CRYZL1: variants seen among roughly 807,000 people sequenced by gnomAD.
CRYZL1 encodes crystallin zeta like 1, also known as ferry endosomal RAB5 effector complex subunit 4.
CRYZL1 carries 34 observed loss-of-function variants against 50.6 expected under a neutral mutation model. The observed-to-expected ratio is 0.67, with a 90% CI of 0.51 to 0.89. CRYZL1 has a LOEUF of 0.89. Ranked by LOEUF, CRYZL1 falls within the 40% of genes least tolerant of loss-of-function variation. The probability of loss-of-function intolerance (pLI) is 0.00; values close to 1 mark genes in which losing one functional copy is unlikely to be tolerated. For synonymous variants in CRYZL1, 125 were observed against 134.3 expected (o/e 0.93, Z 0.48); for missense variants, 354 against 402.3 (o/e 0.88, Z 1.03).
intron 1 of CRYZL1, among the ~76,000 whole-genome samples, chr21:33,634,870 C>T (rs2087184253): frequency 9.5e-6 from 1 of 105,638 alleles, no homozygotes; most frequent in African/African-American, 4.3e-5. Flanking sequence ...TTAAAACAAA[C>T]AACAACAACA....
intron 6 of CRYZL1, among the ~76,000 whole-genome samples, chr21:33,612,848 T>G (rs1270685288): frequency 6.6e-6 from 1 of 152,160 alleles, no homozygotes; most frequent in Non-Finnish European, 1.5e-5. Context: ...TTTTTTTTCT[T>G]TTTTGAGACA....
chr21:33,622,967 AT>A (rs35493080), intron 3 of CRYZL1, among the ~76,000 whole-genome samples: 6,289 of 117,396 alleles, frequency 0.054, 167 homozygotes, highest in African/African-American at 0.095. Context: ...TTTCTTTTCT[AT>A]TTTTTTTTTT....
At chr21:33,592,142 G>A (rs1338871324) in intron 11 of CRYZL1, among the ~76,000 whole-genome samples, 1 of 146,620 alleles carries the variant, frequency 6.8e-6, no homozygotes, top group East Asian at 2.0e-4. Flanking sequence ...CTTTTTCAGA[G>A]CTTTTTTTTT....
chr21:33,605,448 A>G (rs2086799846), intron 6 of CRYZL1, among the ~76,000 whole-genome samples: 1 of 150,090 alleles, frequency 6.7e-6, no homozygotes, highest in Admixed American at 6.7e-5. Context: ...CCGTGAAACT[A>G]TTCCTTAACA....
intron 5 of CRYZL1, 28 bp downstream of exon 5, chr21:33,616,678 T>G (rs369297000): frequency 8.1e-6 from 13 of 1,607,880 alleles, no homozygotes; most frequent in Non-Finnish European, 1.0e-5. Flanking sequence ...ATAGATGACT[T>G]GAAATAAGAC....
At chr21:33,638,210 C>CTTTT (rs569863892) in intron 1 of CRYZL1, among the ~76,000 whole-genome samples, 3 of 126,808 alleles carry the variant, frequency 2.4e-5, no homozygotes, top group Admixed American at 8.0e-5. Flanking sequence ...GTCAGGTCTG[C>CTTTT]TTTTTTTTTT....
intron 4 of CRYZL1, among the ~76,000 whole-genome samples, chr21:33,621,090 A>G (rs930192601): frequency 2.0e-5 from 3 of 147,770 alleles, no homozygotes; most frequent in African/African-American, 7.4e-5. Flanking sequence ...TATTTTTAGT[A>G]GAGACAGGGT....
intron 5 of CRYZL1, among the ~76,000 whole-genome samples, chr21:33,614,070 G>A (rs969075209): frequency 2.0e-5 from 3 of 151,924 alleles, no homozygotes; most frequent in African/African-American, 7.3e-5. Flanking sequence ...TACTCAGGAG[G>A]CTGAGGCAGG....
At chr21:33,599,713 C>G (rs1306108076) in intron 8 of CRYZL1, among the ~76,000 whole-genome samples, 2 of 151,800 alleles carry the variant, frequency 1.3e-5, no homozygotes, top group Non-Finnish European at 2.9e-5. Context: ...CCCAGTGCAG[C>G]CTTGAACTCC....
chr21:33,597,613 T>TGTTTA (rs1555904103), intron 9 of CRYZL1, among the ~76,000 whole-genome samples: 2 of 150,906 alleles, frequency 1.3e-5, no homozygotes, highest in Non-Finnish European at 3.0e-5. Context: ...GCCGGCACTC[T>TGTTTA]CTTTTTGTTT....
chr21:33,618,624 G>A (rs950422450), intron 4 of CRYZL1, among the ~76,000 whole-genome samples: 5 of 152,150 alleles, frequency 3.3e-5, no homozygotes, highest in Non-Finnish European at 5.9e-5. Flanking sequence ...GCCCCAGAGT[G>A]CATTTGTTGC....
At chr21:33,621,495 C>T (rs1156314935) in intron 4 of CRYZL1, among the ~76,000 whole-genome samples, 1 of 151,826 alleles carries the variant, frequency 6.6e-6, no homozygotes, top group Non-Finnish European at 1.5e-5. Context: ...GCGCATGCCA[C>T]CACGCCCAGC....
chr21:33,595,860 T>A (rs150011753), intron 10 of CRYZL1, 24 bp from the exon 11 acceptor site: 2 of 1,478,724 alleles, frequency 1.4e-6, no homozygotes, highest in East Asian at 4.5e-5. Flanking sequence ...AAACAAAGAC[T>A]AATCAATTAT....
intron 2 of CRYZL1, among the ~76,000 whole-genome samples, chr21:33,627,388 T>C (rs1305259513): frequency 6.6e-6 from 1 of 151,996 alleles, no homozygotes; most frequent in Non-Finnish European, 1.5e-5. Context: ...CGTGTGCCAC[T>C]GTGCCTGGCC....
intron 3 of CRYZL1, among the ~76,000 whole-genome samples, chr21:33,622,419 G>A (rs748570225): frequency 4.6e-5 from 7 of 152,198 alleles, no homozygotes; most frequent in Non-Finnish European, 1.0e-4. Flanking sequence ...CTCAGGTGAA[G>A]GGAGGGTAGT....
intron 3 of CRYZL1, 42 bp from the exon 4 acceptor site, chr21:33,622,110 A>G (rs573109062): frequency 1.3e-6 from 2 of 1,485,174 alleles, no homozygotes; most frequent in South Asian, 2.3e-5. Context: ...TTGTCAGAAG[A>G]AATCCTGGAC....
In CRYZL1 at chr21:33,633,476, G is replaced by A. The variant is rs145369622; in HGVS notation, c.-6-1919C>T. The stretch of plus-strand genomic sequence containing the variant: ...TTGCTCTGTCGCCAGGCTGGAGGGC[G>A]CAGTCTCGGCTCACTGCAACCTCCA... On this transcript the variant is annotated intron_variant, in intron 1 of 12. Coordinates refer to ENST00000381554, the MANE Select transcript of CRYZL1 (RefSeq NM_145858.3). 9.2e-5 allele frequency among the ~76,000 whole-genome samples: 14 copies of A among 151,842 alleles called. No individual in the cohort carries two copies. The East Asian group carries it at 2.1e-3, about 23-fold the overall frequency.
At chr21:33,638,331 G>C (rs1241275385) in intron 1 of CRYZL1, among the ~76,000 whole-genome samples, 2 of 151,138 alleles carry the variant, frequency 1.3e-5, no homozygotes, top group East Asian at 3.9e-4. Context: ...TCCTGCCCCA[G>C]CCTCCCGAGT....
Position 33,631,486 on chromosome 21 carries a change from C to T in CRYZL1, c.66G>A (p.Lys22=), listed in dbSNP as rs754565358. 1.3e-6 allele frequency: 2 copies of T among 1,514,948 alleles called. No homozygotes were observed. The highest frequency in any genetic ancestry group is 2.5e-5 in the Admixed American group (1 of 40,760). The allele number at this position is 1,514,948 out of a possible 1,614,324, so 93.8% of individuals were successfully genotyped here. A position where few individuals can be genotyped will look rare whatever the true frequency, so the allele number is the denominator to read the frequency against. ...TTAATGATTAAACATTTTTTCTTAC[C>T]TTTTCTTGAAATACAAATGTTATTT... ...DEEITFVFQE[K]EDLPVTEDNF... is the part of the protein sequence containing the mutation. Residue 22 remains lysine, a splice_region_variant and synonymous_variant, in exon 2 of 13, where the codon AAG becomes AAA. Transcript: ENST00000381554.
Sources: allele counts gnomAD v4.1 joint callset (sites outside exome capture counted in the v4.1 genomes callset), GRCh38; gene constraint gnomAD v4.1.1; transcripts MANE v1.5; gene names NCBI Gene and HGNC (gene_info 2026-07-23, HGNC 2026-07-21).